MAEA: variants seen among roughly 807,000 people sequenced by gnomAD.
The protein encoded by MAEA is macrophage erythroblast attacher, E3 ubiquitin ligase.
In MAEA, 22 loss-of-function variants were observed where a neutral mutation model predicts 46.2. The ratio of observed to expected loss-of-function variants is 0.48; its 90% confidence interval spans 0.34 to 0.68. MAEA has a LOEUF of 0.68. Among genes scored for constraint, MAEA ranks in the 30% least tolerant of loss-of-function variants. The probability of loss-of-function intolerance (pLI) is 0.01; values close to 1 mark genes in which losing one functional copy is unlikely to be tolerated. For missense variants in MAEA, 393 were observed against 558.1 expected (o/e 0.70, Z 2.98); for synonymous variants, 246 against 222.6 (o/e 1.11, Z -0.94).
At chr4:1,334,297 C>G (rs116810147) in intron 6 of MAEA, among the ~76,000 whole-genome samples, 1,807 of 151,972 alleles carry the variant, frequency 0.012, 43 homozygotes, top group African/African-American at 0.04. Context: ...CGGGGTGTTT[C>G]CCGGCAGCCC....
intron 8 of MAEA, 153 bp downstream of exon 8, chr4:1,338,770 G>A (rs910825593): frequency 1.6e-5 from 14 of 849,818 alleles, no homozygotes; most frequent in African/African-American, 3.4e-5. Context: ...AGGCTGGCAC[G>A]CGTCGCCATC....
At position 1,310,209 on chromosome 4, in the gene MAEA, G is replaced by A. The variant is rs560383847; in HGVS notation, c.70-1770G>A. Among the ~76,000 whole-genome samples, 75 of 152,334 alleles carry A rather than the reference G, an allele frequency of 4.9e-4. No individual in the cohort carries two copies. In the South Asian group the frequency reaches 7.2e-3, roughly 15 times the overall value. ...CTCCAGTGGGAGAGTCCTGCAGGCCGGTGTCGGGCTGTGGTGTCAGGGCCT... is the reference window on the plus strand; with the variant it reads ...CTCCAGTGGGAGAGTCCTGCAGGCCAGTGTCGGGCTGTGGTGTCAGGGCCT... On this transcript the variant is annotated intron_variant, in intron 1 of 8. Coordinates refer to ENST00000303400, the MANE Select transcript of MAEA (RefSeq NM_001017405.3).
intron 1 of MAEA, among the ~76,000 whole-genome samples, chr4:1,294,020 A>G (rs1228918604): frequency 1.3e-5 from 2 of 152,226 alleles, no homozygotes; most frequent in Non-Finnish European, 2.9e-5. Flanking sequence ...TTACTGACAC[A>G]CACATTGGGT....
chr4:1,290,303 G>T (rs1170596192), intron 1 of MAEA, among the ~76,000 whole-genome samples: 2 of 152,004 alleles, frequency 1.3e-5, no homozygotes, highest in Non-Finnish European at 2.9e-5. Flanking sequence ...CGGGGCGTGG[G>T]GTCTCTGGCG....
intron 1 of MAEA, chr4:1,309,925 G>A (rs1439547795): frequency 1.6e-6 from 2 of 1,287,878 alleles, no homozygotes; most frequent in East Asian, 2.9e-5. Context: ...CCGTTCCCGC[G>A]TAGAACTTGA....
chr4:1,317,837 AAGTCTCCAGGTCATG>A (rs1347015845), intron 3 of MAEA, among the ~76,000 whole-genome samples: 1 of 151,986 alleles, frequency 6.6e-6, no homozygotes, highest in Admixed American at 6.5e-5. Context: ...TGAGTTTCCG[AAGTCTCCAGGTCATG>A]ACTCGCAGCC....
chr4:1,319,095 T>G (rs1737680558), intron 3 of MAEA, among the ~76,000 whole-genome samples: 1 of 152,202 alleles, frequency 6.6e-6, no homozygotes, highest in Non-Finnish European at 1.5e-5. Context: ...TCTCAACCCG[T>G]AATCCTAGCA....
intron 1 of MAEA, chr4:1,299,945 A>G (rs1735152800): frequency 6.6e-6 from 1 of 152,196 alleles, no homozygotes; most frequent in African/African-American, 2.4e-5. Flanking sequence ...GATAGAGAAG[A>G]AATAAATTCT....
intron 3 of MAEA, among the ~76,000 whole-genome samples, chr4:1,317,045 GT>G (rs1560357298): frequency 8.4e-5 from 7 of 83,152 alleles, no homozygotes; most frequent in Non-Finnish European, 9.9e-5. Context: ...GGCCCACCCG[GT>G]CCCACACTCC....
intron 3 of MAEA, among the ~76,000 whole-genome samples, chr4:1,319,675 A>C (rs1316860946): frequency 6.6e-6 from 1 of 152,366 alleles, no homozygotes; most frequent in South Asian, 2.1e-4. Flanking sequence ...ATTTGAGGCA[A>C]CAGTGAGCCA....
At chr4:1,290,364 C>T (rs13149575) in intron 1 of MAEA, among the ~76,000 whole-genome samples, 56,898 of 152,048 alleles carry the variant, frequency 0.37, 11,929 homozygotes, top group Non-Finnish European at 0.48. Context: ...GGCCGCCCTC[C>T]CGGGAGCCCA....
rs1713111072 is a variant in MAEA at position 1,338,616 on chromosome 4, A to G, written c.1094A>G (p.Asn365Ser). Reference protein sequence around the residue: ...MLPNGYVYGYNSLLSIRQDDK... With the variant: ...MLPNGYVYGYSSLLSIRQDDK... ...CCCAACGGCTACGTCTACGGCTACA[A>G]TGTGAGGGGGGCAGGGCAGGGGGGC... Residue 365 changes from asparagine (N) to serine (S), a missense_variant and splice_region_variant, in exon 8 of 9, where the codon AAT (asparagine) becomes AGT (serine). Transcript: ENST00000303400. The G allele has an allele frequency of 6.2e-7, 1 of 1,601,830 alleles. No individual in the cohort carries two copies. Among genetic ancestry groups the G allele is most frequent in the Admixed American group, 1.7e-5 (1 of 58,548 alleles).
At chr4:1,319,276 C>T (rs1363179269) in intron 3 of MAEA, among the ~76,000 whole-genome samples, 1 of 152,070 alleles carries the variant, frequency 6.6e-6, no homozygotes. Flanking sequence ...TCACTTGAGC[C>T]CAGGAGGTGG....
In MAEA at chr4:1,322,631, G is replaced by A. The variant is rs185258982; in HGVS notation, c.579+128G>A. On this transcript the variant is annotated intron_variant, in intron 4 of 8. Coordinates refer to ENST00000303400, the MANE Select transcript of MAEA (RefSeq NM_001017405.3). ...TTTTGGTTTGTAAGGTGGGGGTTGG[G>A]TTTGGGAGTTTTTTTGGTGGCTGTG... 2,554 of 1,271,098 alleles carry A rather than the reference G, an allele frequency of 2.0e-3. 67 individuals carry two copies. The Admixed American group carries it at 0.055, about 27-fold the overall frequency. 78.7% of individuals were successfully genotyped at this position (1,271,098 alleles called of 1,614,324 possible). A position where few individuals can be genotyped will look rare whatever the true frequency, so the allele number is the denominator to read the frequency against.
chr4:1,315,249 C>G, intron 2 of MAEA, 148 bp from the exon 3 acceptor site: 1 of 698,526 alleles, frequency 1.4e-6, no homozygotes, highest in Non-Finnish European at 2.4e-6. Flanking sequence ...ACCTGCCTAG[C>G]GGACTCGGTA....
rs1401208573 is a variant in MAEA, at chr4:1,335,112, CTCTCT to C, written c.766-1747_766-1743del. On this transcript the variant is annotated intron_variant, in intron 6 of 8. Transcript: ENST00000303400. ...TCTCTCCTGTGCTCACACACGCTCT[CTCTCT>C]TAAGTCTAAACCTGAGGTTATTTAG... is the stretch of plus-strand genomic sequence containing the variant. The C allele has an allele frequency of 5.1e-6, 5 of 985,330 alleles. No individual in the cohort carries two copies. The African/African-American group carries it at 8.7e-5, about 17-fold the overall frequency. 61.0% of individuals were successfully genotyped at this position (985,330 alleles called of 1,614,324 possible).
At chr4:1,303,127 G>A (rs1735486548) in intron 1 of MAEA, among the ~76,000 whole-genome samples, 1 of 149,950 alleles carries the variant, frequency 6.7e-6, no homozygotes, top group South Asian at 2.1e-4. Flanking sequence ...GGTGGCTCAT[G>A]CCTGTAATCC....
chr4:1,301,483 A>G (rs992596679), intron 1 of MAEA, among the ~76,000 whole-genome samples: 2 of 152,260 alleles, frequency 1.3e-5, no homozygotes, highest in African/African-American at 4.8e-5. Flanking sequence ...AATTGGGGAG[A>G]TGTGATAAAT....
intron 3 of MAEA, among the ~76,000 whole-genome samples, chr4:1,317,000 C>G (rs1211992365): frequency 4.2e-5 from 6 of 142,018 alleles, no homozygotes; most frequent in Non-Finnish European, 4.7e-5. Flanking sequence ...CACCCCCAGG[C>G]CCACCCCGGC....
Sources: gnomAD v4.1 joint callset for allele counts (sites outside exome capture counted in the v4.1 genomes callset) on GRCh38, gnomAD v4.1.1 for gene constraint, MANE v1.5 for transcripts, NCBI Gene and HGNC (gene_info 2026-07-23, HGNC 2026-07-21) for gene names.